SLC35F4: variants seen among roughly 807,000 people sequenced by gnomAD.
SLC35F4 encodes chromosome 14 open reading frame 36.
In SLC35F4, 24 loss-of-function variants were observed where a neutral mutation model predicts 44.2. The ratio of observed to expected loss-of-function variants is 0.54; its 90% CI spans 0.39 to 0.76. The LOEUF is 0.76. SLC35F4 is among the 30% of genes least tolerant of loss of function. The pLI is 0.00. For missense variants in SLC35F4, 562 were observed against 586.1 expected (o/e 0.96, Z 0.42); for synonymous variants, 238 against 223.6 (o/e 1.06, Z -0.57).
At chr14:57,728,873 T>G (rs2076279396) in intron 1 of SLC35F4, among the ~76,000 whole-genome samples, 3 of 152,186 alleles carry the variant, frequency 2.0e-5, no homozygotes. Flanking sequence ...CCTCAGCTTT[T>G]GTTTGTCTGA....
At chr14:57,642,247 A>C (rs538017296) in intron 1 of SLC35F4, among the ~76,000 whole-genome samples, 3 of 151,766 alleles carry the variant, frequency 2.0e-5, no homozygotes, top group Admixed American at 6.6e-5. Context: ...TCTACGTTTA[A>C]CTCTTTCCAT....
At chr14:57,919,858 T>G (rs1007495633) in intron 1 of SLC35F4, among the ~76,000 whole-genome samples, 1 of 152,170 alleles carries the variant, frequency 6.6e-6, no homozygotes, top group East Asian at 1.9e-4. Flanking sequence ...AGGGCCAACT[T>G]TGATGTGGAA....
chr14:57,633,900 C>T (rs2072905210), intron 1 of SLC35F4, among the ~76,000 whole-genome samples: 1 of 151,954 alleles, frequency 6.6e-6, no homozygotes, highest in Admixed American at 6.6e-5. Flanking sequence ...ATGAATCTAC[C>T]ATGGACAGAA....
At chr14:57,666,777 G>A (rs987089954) in intron 1 of SLC35F4, among the ~76,000 whole-genome samples, 3 of 152,020 alleles carry the variant, frequency 2.0e-5, no homozygotes, top group African/African-American at 7.2e-5. Flanking sequence ...AGCTATCAGG[G>A]CAGTTTCAAA....
At chr14:57,630,204 A>G in intron 1 of SLC35F4, 2 of 566,098 alleles carry the variant, frequency 3.5e-6, no homozygotes, top group Non-Finnish European at 7.0e-6. Flanking sequence ...CAAGGAAGGG[A>G]AGAATGTGTA....
chr14:57,746,536 C>T (rs1281600881), intron 1 of SLC35F4, among the ~76,000 whole-genome samples: 1 of 151,936 alleles, frequency 6.6e-6, no homozygotes, highest in Admixed American at 6.6e-5. Context: ...TTATACATTG[C>T]TGTATTCAAT....
chr14:57,732,061 G>A (rs2076357076), intron 1 of SLC35F4, among the ~76,000 whole-genome samples: 1 of 152,060 alleles, frequency 6.6e-6, no homozygotes, highest in Non-Finnish European at 1.5e-5. Flanking sequence ...AAATTTAAGA[G>A]GTAACAGTAA....
At chr14:57,857,183 A>C (rs1887193867) in intron 1 of SLC35F4, among the ~76,000 whole-genome samples, 1 of 152,052 alleles carries the variant, frequency 6.6e-6, no homozygotes, top group African/African-American at 2.4e-5. Flanking sequence ...AGGTGGAGAC[A>C]GGAGAATCAC....
At position 57,865,883 on chromosome 14, in the gene SLC35F4, C is replaced by G; in HGVS notation, c.-58G>C. The G allele has an allele frequency of 7.7e-7, 1 of 1,295,300 alleles. No homozygotes were observed. Among genetic ancestry groups the G allele is most frequent in the East Asian group, 3.0e-5 (1 of 33,264 alleles). 80.2% of individuals were successfully genotyped at this position (1,295,300 alleles called of 1,614,324 possible). On this transcript the variant is annotated 5_prime_UTR_variant, in exon 1 of 8. Coordinates refer to ENST00000556826, the MANE Select transcript of SLC35F4 (RefSeq NM_001306087.2). ...GGGGCGGAGAGCGCAGCGCGGGGCC[C>G]GGGAGCTGGTGCAGGTGCCGGAGCC...
chr14:57,958,496 G>A (rs1021135529), intron 1 of SLC35F4, among the ~76,000 whole-genome samples: 1 of 149,608 alleles, frequency 6.7e-6, no homozygotes, highest in African/African-American at 2.6e-5. Context: ...TAGGGTCTGG[G>A]GTAGAGGGGA....
chr14:57,731,046 C>T (rs752935083), intron 1 of SLC35F4, among the ~76,000 whole-genome samples: 7 of 152,104 alleles, frequency 4.6e-5, no homozygotes, highest in African/African-American at 1.4e-4. Context: ...GGGAAGGAGA[C>T]ATTTTATCTC....
intron 1 of SLC35F4, among the ~76,000 whole-genome samples, chr14:57,953,829 G>A (rs1224649206): frequency 6.6e-6 from 1 of 152,200 alleles, no homozygotes; most frequent in African/African-American, 2.4e-5. Flanking sequence ...ATAATAGTGG[G>A]AGACTTTAAC....
chr14:57,727,869 G>T (rs1205011153), intron 1 of SLC35F4, among the ~76,000 whole-genome samples: 1 of 152,188 alleles, frequency 6.6e-6, no homozygotes, highest in East Asian at 1.9e-4. Context: ...GCCATTGGAT[G>T]AAATGTTCTG....
At chr14:57,872,693 A>AG (rs1888320844) in intron 1 of SLC35F4, among the ~76,000 whole-genome samples, 2 of 152,284 alleles carry the variant, frequency 1.3e-5, no homozygotes, top group African/African-American at 4.8e-5. Flanking sequence ...AACAGGAGCT[A>AG]GGGTATAAAT....
chr14:57,603,887 C>A (rs1209076122), intron 1 of SLC35F4: 1 of 152,284 alleles, frequency 6.6e-6, no homozygotes, highest in Non-Finnish European at 1.5e-5. Context: ...TATCTATTTC[C>A]CTTCTCTATG....
intron 1 of SLC35F4, among the ~76,000 whole-genome samples, chr14:57,801,608 C>T (rs924960441): frequency 6.6e-6 from 1 of 152,090 alleles, no homozygotes; most frequent in African/African-American, 2.4e-5. Flanking sequence ...CAAAGACACA[C>T]ATAGGCTCAA....
intron 1 of SLC35F4, among the ~76,000 whole-genome samples, chr14:57,721,570 T>C (rs1040430441): frequency 1.3e-5 from 2 of 152,176 alleles, no homozygotes; most frequent in African/African-American, 2.4e-5. Flanking sequence ...GCTCTTATCA[T>C]GTGAGTGGCA....
At chr14:57,625,630 C>T (rs1206693037) in intron 1 of SLC35F4, among the ~76,000 whole-genome samples, 1 of 152,008 alleles carries the variant, frequency 6.6e-6, no homozygotes, top group Non-Finnish European at 1.5e-5. Flanking sequence ...AGAACAGAGC[C>T]CTCAGAAATA....
intron 1 of SLC35F4, among the ~76,000 whole-genome samples, chr14:57,768,016 G>A (rs2077274447): frequency 6.6e-6 from 1 of 152,058 alleles, no homozygotes; most frequent in Non-Finnish European, 1.5e-5. Flanking sequence ...TTATTTAAAA[G>A]TTCTTGGAAA....
Sources: allele counts gnomAD v4.1 joint callset (sites outside exome capture counted in the v4.1 genomes callset), GRCh38; gene constraint gnomAD v4.1.1; transcripts MANE v1.5; gene names NCBI Gene and HGNC (gene_info 2026-07-23, HGNC 2026-07-21).